Variants in ACO1 observed in about 807,000 individuals in gnomAD.
ACO1 encodes the protein cytoplasmic aconitate hydratase.
ACO1 carries 78 observed loss-of-function variants against 105.1 expected under a neutral mutation model. That is an observed-to-expected ratio of 0.74 (90% CI 0.62 to 0.90). The LOEUF is 0.90. Ranked by LOEUF, ACO1 falls within the 40% of genes least tolerant of loss-of-function variation. The pLI is 0.00. For synonymous variants in ACO1, 364 were observed against 397.4 expected, an observed-to-expected ratio of 0.92 and a Z score of 1.00; for missense variants, 965 against 1,111.1, an observed-to-expected ratio of 0.87 and a Z score of 1.87.
Position 32,450,258 on chromosome 9 carries a change from T to C in ACO1, c.*147T>C. 4 of 749,534 alleles carry C rather than the reference T, an allele frequency of 5.3e-6. No homozygotes were observed. In the South Asian group the frequency reaches 5.7e-5, roughly 11 times the overall value. The allele number at this position is 749,534 out of a possible 1,614,324, so 46.4% of individuals were successfully genotyped here. A position where few individuals can be genotyped will look rare whatever the true frequency, so the allele number is the denominator to read the frequency against. On this transcript the variant is annotated 3_prime_UTR_variant, in exon 21 of 21. Coordinates refer to ENST00000309951, the MANE Select transcript of ACO1 (RefSeq NM_002197.3). Reference sequence around the variant, plus strand: ...AGCACTGAGGGTCTGGTGCCAATCCTGTAGGCACAAAACCAGAAGTTTCTA... The same window carrying C: ...AGCACTGAGGGTCTGGTGCCAATCCCGTAGGCACAAAACCAGAAGTTTCTA...
chr9:32,392,258 A>G (rs922951966), intron 1 of ACO1, among the ~76,000 whole-genome samples: 11 of 152,184 alleles, frequency 7.2e-5, no homozygotes, highest in African/African-American at 2.2e-4. Context: ...TTCTGACATC[A>G]GGAGCCTGAG....
chr9:32,432,480 A>T (rs532352997), intron 15 of ACO1, among the ~76,000 whole-genome samples: 2 of 152,270 alleles, frequency 1.3e-5, no homozygotes, highest in East Asian at 3.9e-4. Flanking sequence ...TGTGATGTTC[A>T]CACGCTGCAC....
chr9:32,427,730 C>T (rs1416486023), intron 12 of ACO1, among the ~76,000 whole-genome samples: 1 of 152,144 alleles, frequency 6.6e-6, no homozygotes, highest in Non-Finnish European at 1.5e-5. Context: ...CTACTGTTGA[C>T]TTTATAAACA....
intron 1 of ACO1, among the ~76,000 whole-genome samples, chr9:32,391,663 T>C (rs1821269915): frequency 6.6e-6 from 1 of 152,242 alleles, no homozygotes; most frequent in Non-Finnish European, 1.5e-5. Flanking sequence ...AACACTTAAT[T>C]ATTCAACATC....
At position 32,446,576 on chromosome 9, in the gene ACO1, C is replaced by T. The variant is rs182963855; in HGVS notation, c.2371-2320C>T. Among the ~76,000 whole-genome samples, 17 of 152,272 alleles carry T rather than the reference C, an allele frequency of 1.1e-4. No homozygotes were observed. In the Middle Eastern group the frequency reaches 0.017, roughly 152 times the overall value. On this transcript the variant is annotated intron_variant, in intron 19 of 20. Coordinates refer to ENST00000309951, the MANE Select transcript of ACO1 (RefSeq NM_002197.3). Reference sequence around the variant, plus strand: ...TGTGTCTTTTAATTGGGGCATTTAGCCCATTTACATTTAAGGTTAATACTG... The same window carrying T: ...TGTGTCTTTTAATTGGGGCATTTAGTCCATTTACATTTAAGGTTAATACTG...
In ACO1 at chr9:32,452,907, T is replaced by C. The variant is rs1822798979; in HGVS notation, c.*2796T>C. On this transcript the variant is annotated 3_prime_UTR_variant, in exon 21 of 21. Coordinates refer to ENST00000309951, the MANE Select transcript of ACO1 (RefSeq NM_002197.3). The stretch of plus-strand genomic sequence containing the variant: ...TGAGCCTGGGAGGTCGTGGCTATGA[T>C]TGCTCCACTGCACTCCAGCCTGGGC... 1 of 151,250 alleles carries C rather than the reference T, an allele frequency of 6.6e-6. No individual in the cohort carries two copies. The highest frequency in any genetic ancestry group is 1.5e-5 in the Non-Finnish European group (1 of 68,028). The allele number at this position is 151,250 out of a possible 1,614,324, so 9.4% of individuals were successfully genotyped here.
chr9:32,448,600 T>G (rs1177361830), intron 19 of ACO1, among the ~76,000 whole-genome samples: 1 of 152,186 alleles, frequency 6.6e-6, no homozygotes, highest in Non-Finnish European at 1.5e-5. Context: ...TTCCCTTGGC[T>G]AGGAGAGGAA....
At chr9:32,411,869 C>CATTTATTT (rs895105560) in intron 4 of ACO1, among the ~76,000 whole-genome samples, 4 of 151,956 alleles carry the variant, frequency 2.6e-5, no homozygotes, top group Admixed American at 6.6e-5. Context: ...CCCTTTATAT[C>CATTTATTT]ATTTATTTAT....
At chr9:32,442,037 T>C (rs184399419) in intron 19 of ACO1, among the ~76,000 whole-genome samples, 3 of 152,212 alleles carry the variant, frequency 2.0e-5, no homozygotes, top group Admixed American at 2.0e-4. Context: ...CCAAAGAATC[T>C]GCCCTCTCTC....
chr9:32,443,914 G>A (rs2118567182), intron 19 of ACO1, among the ~76,000 whole-genome samples: 1 of 152,278 alleles, frequency 6.6e-6, no homozygotes, highest in Middle Eastern at 3.4e-3. Flanking sequence ...GTGGTTTGCT[G>A]CACCCATCAA....
At chr9:32,402,359 A>G (rs895503479) in intron 1 of ACO1, among the ~76,000 whole-genome samples, 1 of 152,238 alleles carries the variant, frequency 6.6e-6, no homozygotes, top group Non-Finnish European at 1.5e-5. Context: ...GCCATCTCCA[A>G]AATGTCCACA....
Position 32,453,436 on chromosome 9 carries a change from C to G in ACO1, c.*3325C>G, listed in dbSNP as rs1483719843. ...ATGGGCTTGATTGGATCTAGTGACT[C>G]AAGCTCCCTTCCATTTGCCCCTCCA... On this transcript the variant is annotated 3_prime_UTR_variant, in exon 21 of 21. Transcript: ENST00000309951. 1 of 151,546 alleles carries G rather than the reference C, an allele frequency of 6.6e-6. No individual in the cohort carries two copies. The highest frequency in any genetic ancestry group is 1.5e-5 in the Non-Finnish European group (1 of 67,962). The allele number at this position is 151,546 out of a possible 1,614,324, so 9.4% of individuals were successfully genotyped here. A position where few individuals can be genotyped will look rare whatever the true frequency, so the allele number is the denominator to read the frequency against.
intron 8 of ACO1, among the ~76,000 whole-genome samples, chr9:32,421,718 C>T (rs539978292): frequency 2.8e-4 from 43 of 152,106 alleles, no homozygotes; most frequent in African/African-American, 9.9e-4. Context: ...CGCACCACTG[C>T]GCTCCAGCCT....
chr9:32,420,961 G>C lies in ACO1; in HGVS notation c.904G>C (p.Glu302Gln). 1.9e-6 allele frequency: 3 copies of C among 1,614,158 alleles called. 1 individual carries two copies. Among genetic ancestry groups the C allele is most frequent in the Non-Finnish European group, 2.5e-6 (3 of 1,180,022 alleles). ...DRATIANMCPEYGATAAFFPV... is the reference protein window; with the variant it reads ...DRATIANMCPQYGATAAFFPV... Reference sequence around the variant, plus strand: ...AGCTACGATTGCTAACATGTGTCCAGAGTACGGAGCAACTGCTGCCTTTTT... The same window carrying C: ...AGCTACGATTGCTAACATGTGTCCACAGTACGGAGCAACTGCTGCCTTTTT... The change falls in exon 8 of 21, where the codon GAG becomes CAG. Residue 302 changes from glutamate (E) to glutamine (Q), a missense_variant. Glu to Gln is a conservative substitution (Grantham distance 29). Coordinates refer to ENST00000309951, the MANE Select transcript of ACO1 (RefSeq NM_002197.3).
At chr9:32,405,683 G>A in intron 2 of ACO1, 80 bp downstream of exon 2, 1 of 1,037,980 alleles carries the variant, frequency 9.6e-7, no homozygotes. Flanking sequence ...CTTGAGGAGA[G>A]TTTGAAGAGG....
At chr9:32,398,848 G>C (rs1821428975) in intron 1 of ACO1, among the ~76,000 whole-genome samples, 1 of 152,092 alleles carries the variant, frequency 6.6e-6, no homozygotes, top group South Asian at 2.1e-4. Flanking sequence ...ACCCACGTTG[G>C]CCTCCCAAAT....
rs1472774450 is a variant in ACO1, at chr9:32,453,613, G to A, written c.*3502G>A. 1 of 152,180 alleles carries A rather than the reference G, an allele frequency of 6.6e-6. No individual in the cohort carries two copies. The highest frequency in any genetic ancestry group is 2.4e-5 in the African/African-American group (1 of 41,440). The allele number at this position is 152,180 out of a possible 1,614,324, so 9.4% of individuals were successfully genotyped here. ...TGTGATCGTAGAGATTTGTCTCCCA[G>A]TATTCCCTAGGGCAAAAATATTGGG... On this transcript the variant is annotated 3_prime_UTR_variant, in exon 21 of 21. Transcript: ENST00000309951.
At chr9:32,426,054 C>G in intron 11 of ACO1, 57 bp downstream of exon 11, 1 of 1,567,228 alleles carries the variant, frequency 6.4e-7, no homozygotes, top group Non-Finnish European at 8.7e-7. Context: ...GGAAATAGCC[C>G]GAGACAGGGC....
chr9:32,424,395 G>T (rs1223904479), intron 9 of ACO1, among the ~76,000 whole-genome samples, 154 bp from the exon 10 acceptor site: 2 of 152,178 alleles, frequency 1.3e-5, no homozygotes, highest in Non-Finnish European at 2.9e-5. Flanking sequence ...TAATTAAGAG[G>T]ATTAAGAGAA....
Sources: gnomAD v4.1 joint callset for allele counts (sites outside exome capture counted in the v4.1 genomes callset) on GRCh38, gnomAD v4.1.1 for gene constraint, MANE v1.5 for transcripts, NCBI Gene and HGNC (gene_info 2026-07-23, HGNC 2026-07-21) for gene names.